The following SHROOM3 variants were observed in gnomAD, a reference collection of about 807,000 sequenced individuals.
The protein encoded by SHROOM3 is shroom family member 3, also known as protein Shroom3.
Under a neutral mutation model 138.6 loss-of-function variants are expected in SHROOM3, and 47 were observed. The observed-to-expected ratio is 0.34, with a 90% confidence interval of 0.27 to 0.43. The LOEUF (loss-of-function observed/expected upper bound fraction) is 0.43. SHROOM3 is among the 20% of genes least tolerant of loss of function. The pLI, the probability that SHROOM3 is intolerant of heterozygous loss-of-function variation, is 1.00. For missense variants in SHROOM3, 2,491 were observed against 2,596.5 expected, an observed-to-expected ratio of 0.96 and a Z score of 0.88; for synonymous variants, 1,062 against 1,063.3, an observed-to-expected ratio of 1.00 and a Z score of 0.02.
chr4:76,623,010 T>A (rs1034773996), intron 2 of SHROOM3, among the ~76,000 whole-genome samples: 1 of 152,188 alleles, frequency 6.6e-6, no homozygotes, highest in African/African-American at 2.4e-5. Flanking sequence ...TAGGAATGCA[T>A]TAGGCAAAAG....
chr4:76,519,824 T>C (rs181692981), intron 1 of SHROOM3, among the ~76,000 whole-genome samples: 2 of 152,324 alleles, frequency 1.3e-5, no homozygotes, highest in Admixed American at 1.3e-4. Flanking sequence ...ACTGAATCTT[T>C]CCTATTTATG....
chr4:76,694,426 C>T (rs1719662664), intron 2 of SHROOM3, among the ~76,000 whole-genome samples: 1 of 152,026 alleles, frequency 6.6e-6, no homozygotes, highest in African/African-American at 2.4e-5. Flanking sequence ...GGTTTAAAAT[C>T]CTAGTTCTTT....
At chr4:76,728,579 A>T (rs560708238) in intron 3 of SHROOM3, among the ~76,000 whole-genome samples, 1 of 152,358 alleles carries the variant, frequency 6.6e-6, no homozygotes, top group Admixed American at 6.5e-5. Flanking sequence ...GAACTAATAC[A>T]TGTGGGGACA....
chr4:76,771,925 C>T (rs1722373916), intron 10 of SHROOM3, among the ~76,000 whole-genome samples: 1 of 152,052 alleles, frequency 6.6e-6, no homozygotes, highest in Non-Finnish European at 1.5e-5. Flanking sequence ...CATTTGTGAG[C>T]AAAGCAGACA....
At position 76,699,422 on chromosome 4, in the gene SHROOM3, C is replaced by T. The variant is rs551138974; in HGVS notation, c.324-10734C>T. Among the ~76,000 whole-genome samples, 4 of 152,330 alleles carry T rather than the reference C, an allele frequency of 2.6e-5. No individual in the cohort carries two copies. The East Asian group carries it at 7.7e-4, about 29-fold the overall frequency. ...TGTCAAAGGTAAAGGGACCCCCAGG[C>T]TCATCTGTACTAACCTCCTCATTTT... On this transcript the variant is annotated intron_variant, in intron 2 of 10. Transcript: ENST00000296043.
At position 76,476,939 on chromosome 4, in the gene SHROOM3, A is replaced by G. The variant is rs1160767231; in HGVS notation, c.168+40719A>G. On this transcript the variant is annotated intron_variant, in intron 1 of 10. Transcript: ENST00000296043. Reference sequence around the variant, plus strand: ...GGATTAAAGATATAAGAGAATGTTCATGAACTATATCTTAACTAGTTCTTG... The same window carrying G: ...GGATTAAAGATATAAGAGAATGTTCGTGAACTATATCTTAACTAGTTCTTG... Among the ~76,000 whole-genome samples, 4 of 152,286 alleles carry G rather than the reference A, an allele frequency of 2.6e-5. No individual in the cohort carries two copies. In the East Asian group the frequency reaches 7.7e-4, roughly 29 times the overall value.
At chr4:76,543,592 C>T (rs1386293622) in intron 1 of SHROOM3, among the ~76,000 whole-genome samples, 2 of 152,200 alleles carry the variant, frequency 1.3e-5, no homozygotes, top group Admixed American at 6.5e-5. Context: ...CATGATGTGT[C>T]TGCAGGGCAG....
At chr4:76,633,332 CAAAAAAAAAA>C (rs56002974) in intron 2 of SHROOM3, among the ~76,000 whole-genome samples, 2 of 83,862 alleles carry the variant, frequency 2.4e-5, no homozygotes, top group Non-Finnish European at 4.7e-5. Flanking sequence ...GACTCAGTCT[CAAAAAAAAAA>C]AAAAAAAAAA....
intron 1 of SHROOM3, among the ~76,000 whole-genome samples, chr4:76,470,067 G>A (rs1388134650): frequency 6.6e-6 from 1 of 152,086 alleles, no homozygotes; most frequent in Admixed American, 6.6e-5. Context: ...ATATGCCCAA[G>A]CTTAATGCTT....
intron 2 of SHROOM3, among the ~76,000 whole-genome samples, chr4:76,583,788 C>T (rs992344045): frequency 1.3e-5 from 2 of 152,026 alleles, no homozygotes; most frequent in Admixed American, 6.6e-5. Context: ...TGGTAACTAC[C>T]GACACATAGT....
chr4:76,438,395 T>C (rs982980936), intron 1 of SHROOM3, among the ~76,000 whole-genome samples: 1 of 152,222 alleles, frequency 6.6e-6, no homozygotes, highest in Non-Finnish European at 1.5e-5. Flanking sequence ...ATGTGCTCTG[T>C]CCAATATGGT....
At chr4:76,573,419 A>G (rs1429623747) in intron 2 of SHROOM3, 1 of 142,794 alleles carries the variant, frequency 7.0e-6, no homozygotes, top group Admixed American at 7.0e-5. Flanking sequence ...AATAATAATA[A>G]TAATAATAAT....
intron 2 of SHROOM3, among the ~76,000 whole-genome samples, chr4:76,686,439 T>C (rs896611703): frequency 1.3e-5 from 2 of 152,230 alleles, no homozygotes; most frequent in Non-Finnish European, 2.9e-5. Context: ...TTTCTAGATA[T>C]AGTCTTTTTA....
At chr4:76,578,441 G>A (rs1733980935) in intron 2 of SHROOM3, among the ~76,000 whole-genome samples, 1 of 152,210 alleles carries the variant, frequency 6.6e-6, no homozygotes, top group Non-Finnish European at 1.5e-5. Context: ...TGTGAAAGCA[G>A]TAATCACCAG....
intron 2 of SHROOM3, among the ~76,000 whole-genome samples, chr4:76,648,512 T>A (rs1411575386): frequency 6.6e-6 from 1 of 152,158 alleles, no homozygotes; most frequent in Non-Finnish European, 1.5e-5. Context: ...CTGCATTTTT[T>A]TTTTTAGCAG....
intron 1 of SHROOM3, among the ~76,000 whole-genome samples, chr4:76,500,169 A>G (rs1283141659): frequency 6.6e-6 from 1 of 151,826 alleles, no homozygotes; most frequent in African/African-American, 2.4e-5. Context: ...CCAGATCTAT[A>G]CCCTCCTCTT....
chr4:76,580,083 G>A (rs1734018346), intron 2 of SHROOM3, among the ~76,000 whole-genome samples: 2 of 152,298 alleles, frequency 1.3e-5, no homozygotes, highest in South Asian at 4.1e-4. Context: ...TTAGGAAAGC[G>A]AAAGGAAAAA....
chr4:76,521,513 TAAC>T (rs1270335048), intron 1 of SHROOM3, among the ~76,000 whole-genome samples: 1 of 152,242 alleles, frequency 6.6e-6, no homozygotes, highest in Non-Finnish European at 1.5e-5. Flanking sequence ...GTCATCCTGA[TAAC>T]AATATTCCAA....
intron 2 of SHROOM3, among the ~76,000 whole-genome samples, chr4:76,657,009 C>G (rs951937344): frequency 6.6e-6 from 1 of 152,000 alleles, no homozygotes; most frequent in East Asian, 1.9e-4. Flanking sequence ...ACCATCTCTA[C>G]TACTAAAAAT....
Sources: gnomAD v4.1 joint callset for allele counts (sites outside exome capture counted in the v4.1 genomes callset) on GRCh38, gnomAD v4.1.1 for gene constraint, MANE v1.5 for transcripts, NCBI Gene and HGNC (gene_info 2026-07-23, HGNC 2026-07-21) for gene names.